EFCAB11: variants seen among roughly 807,000 people sequenced by gnomAD.
EFCAB11 encodes EF-hand calcium-binding domain-containing protein 11.
In EFCAB11, 14 loss-of-function variants were observed where a neutral mutation model predicts 23.0. The observed-to-expected ratio is 0.61, with a 90% CI of 0.40 to 0.95. EFCAB11 has a LOEUF of 0.95. Among genes scored for constraint, EFCAB11 ranks in the 40% least tolerant of loss-of-function variants. The pLI is 0.00. For synonymous variants in EFCAB11, 65 were observed against 66.6 expected, an observed-to-expected ratio of 0.98 and a Z score of 0.11; for missense variants, 198 against 195.8, an observed-to-expected ratio of 1.01 and a Z score of -0.07.
At chr14:89,921,146 T>G (rs1379476635) in intron 5 of EFCAB11, among the ~76,000 whole-genome samples, 1 of 150,546 alleles carries the variant, frequency 6.6e-6, no homozygotes. Flanking sequence ...CATTCAGATA[T>G]GTGGATGGGG....
chr14:89,796,205 C>T lies in EFCAB11; in HGVS notation c.*1038G>A, dbSNP rs1371297841. The T allele has an allele frequency of 6.6e-6, 1 of 152,298 alleles. No individual in the cohort carries two copies. Among genetic ancestry groups the T allele is most frequent in the South Asian group, 2.1e-4 (1 of 4,832 alleles). The allele number at this position is 152,298 out of a possible 1,614,324, so 9.4% of individuals were successfully genotyped here. On this transcript the variant is annotated 3_prime_UTR_variant, in exon 6 of 6. Transcript: ENST00000316738. ...AGGGCTTGCTCATGTTAGCCCAAGC[C>T]GATTTCTTTGTCTTGCACAGACAGT...
chr14:89,948,652 A>G (rs1357968897), intron 3 of EFCAB11, among the ~76,000 whole-genome samples: 1 of 152,254 alleles, frequency 6.6e-6, no homozygotes, highest in East Asian at 1.9e-4. Context: ...AGTACTATTC[A>G]GCAATAAAAA....
chr14:89,927,795 C>T (rs1296922151), intron 5 of EFCAB11, among the ~76,000 whole-genome samples: 1 of 151,880 alleles, frequency 6.6e-6, no homozygotes, highest in Admixed American at 6.6e-5. Flanking sequence ...GATCTCGGCT[C>T]ACTACAACTT....
At chr14:89,939,384 G>T (rs958461168) in intron 3 of EFCAB11, among the ~76,000 whole-genome samples, 2 of 152,186 alleles carry the variant, frequency 1.3e-5, no homozygotes, top group Non-Finnish European at 1.5e-5. Flanking sequence ...AGATGGGCGA[G>T]AGATTTGTAA....
chr14:89,809,234 GT>G (rs2140086548), intron 5 of EFCAB11, among the ~76,000 whole-genome samples: 1 of 152,294 alleles, frequency 6.6e-6, no homozygotes, highest in East Asian at 1.9e-4. Context: ...GTCCTCAGAG[GT>G]TTCAGGCCAG....
At chr14:89,944,588 C>T (rs1890901197) in intron 3 of EFCAB11, among the ~76,000 whole-genome samples, 1 of 152,100 alleles carries the variant, frequency 6.6e-6, no homozygotes, top group Non-Finnish European at 1.5e-5. Context: ...GAAAACAAAA[C>T]TCTCTGTAGA....
At chr14:89,935,829 C>T (rs1327897910) in intron 3 of EFCAB11, among the ~76,000 whole-genome samples, 1 of 152,088 alleles carries the variant, frequency 6.6e-6, no homozygotes, top group Non-Finnish European at 1.5e-5. Flanking sequence ...GCCAACAAGG[C>T]AAAACCTATC....
At chr14:89,935,785 GATCA>G (rs1890560021) in intron 3 of EFCAB11, among the ~76,000 whole-genome samples, 1 of 152,162 alleles carries the variant, frequency 6.6e-6, no homozygotes, top group Admixed American at 6.5e-5. Flanking sequence ...GAGGCAGGCA[GATCA>G]CCTGAGGTCA....
At chr14:89,902,949 G>A (rs1040700488) in intron 5 of EFCAB11, among the ~76,000 whole-genome samples, 1 of 152,136 alleles carries the variant, frequency 6.6e-6, no homozygotes, top group African/African-American at 2.4e-5. Flanking sequence ...GATAGCAAGA[G>A]GTGAAACACA....
At chr14:89,856,283 G>A (rs1463819266) in intron 5 of EFCAB11, among the ~76,000 whole-genome samples, 1 of 151,150 alleles carries the variant, frequency 6.6e-6, no homozygotes, top group Non-Finnish European at 1.5e-5. Context: ...CTGCCTCCCA[G>A]GTTTGGGTGA....
chr14:89,834,612 C>G (rs546534251), intron 5 of EFCAB11, among the ~76,000 whole-genome samples: 1 of 152,112 alleles, frequency 6.6e-6, no homozygotes, highest in Non-Finnish European at 1.5e-5. Flanking sequence ...TAGGAAGGTG[C>G]ATGGATCTCA....
chr14:89,806,842 G>A (rs577815335), intron 5 of EFCAB11, among the ~76,000 whole-genome samples: 33 of 152,288 alleles, frequency 2.2e-4, no homozygotes, highest in African/African-American at 7.7e-4. Context: ...CCAGATCTTA[G>A]TTATACAACT....
In EFCAB11 at chr14:89,932,576, T is replaced by C. The variant is rs1165302404; in HGVS notation, c.269A>G (p.Gln90Arg). 5 of 1,613,828 alleles carry C rather than the reference T, an allele frequency of 3.1e-6. No homozygotes were observed. The highest frequency in any genetic ancestry group is 4.2e-6 in the Non-Finnish European group (5 of 1,179,854). Residue 90 changes from glutamine (Q) to arginine (R), a missense_variant, in exon 4 of 6, where the codon CAA (glutamine) becomes CGA (arginine). Gln to Arg is a conservative substitution (Grantham distance 43). Transcript: ENST00000316738. ...GTGTCTTACTTCGTTCCGATATCGT[T>C]GAGCTTCCTTCTTTTTCCTGACAAT... ...LNIVRKKKEA[Q>R]RYRNEVRHIF...
intron 5 of EFCAB11, among the ~76,000 whole-genome samples, chr14:89,868,883 T>C (rs1469662671): frequency 6.6e-6 from 1 of 152,176 alleles, no homozygotes; most frequent in African/African-American, 2.4e-5. Context: ...CCTGCTTTCT[T>C]ACAGAAACAA....
intron 5 of EFCAB11, among the ~76,000 whole-genome samples, chr14:89,805,572 C>T (rs996041605): frequency 4.6e-5 from 7 of 152,124 alleles, no homozygotes; most frequent in East Asian, 1.9e-4. Flanking sequence ...TACATTGATT[C>T]GATAATTTGT....
chr14:89,926,615 T>C (rs1467177012), intron 5 of EFCAB11, among the ~76,000 whole-genome samples: 1 of 152,118 alleles, frequency 6.6e-6, no homozygotes, highest in East Asian at 1.9e-4. Context: ...CATGGTAATA[T>C]ACTAAGAGCA....
intron 5 of EFCAB11, among the ~76,000 whole-genome samples, chr14:89,930,179 C>T (rs958617845): frequency 7.9e-5 from 12 of 152,256 alleles, no homozygotes; most frequent in African/African-American, 2.9e-4. Context: ...TCTTCAATAG[C>T]TTGCTCAGTA....
intron 5 of EFCAB11, among the ~76,000 whole-genome samples, chr14:89,913,434 C>A (rs1889743612): frequency 6.6e-6 from 1 of 152,126 alleles, no homozygotes; most frequent in Admixed American, 6.5e-5. Context: ...GGGTGAGTCA[C>A]ATACGTTTGT....
chr14:89,925,368 C>T (rs1332274218), intron 5 of EFCAB11, among the ~76,000 whole-genome samples: 1 of 152,178 alleles, frequency 6.6e-6, no homozygotes, highest in African/African-American at 2.4e-5. Context: ...ACATGAAAAA[C>T]AAAAGATAGC....
Sources: allele counts gnomAD v4.1 joint callset (sites outside exome capture counted in the v4.1 genomes callset), GRCh38; gene constraint gnomAD v4.1.1; transcripts MANE v1.5; gene names NCBI Gene and HGNC (gene_info 2026-07-23, HGNC 2026-07-21).